LTBP2: variants seen among roughly 807,000 people sequenced by gnomAD.
The protein encoded by LTBP2 is latent-transforming growth factor beta-binding protein 2.
A neutral mutation model predicts 210.6 loss-of-function variants in LTBP2; 103 were observed. That is an observed-to-expected ratio of 0.49 (90% CI 0.42 to 0.58). LTBP2 has a LOEUF of 0.58. LTBP2 is among the 20% of genes least tolerant of loss of function. LTBP2 has a pLI of 0.00. For synonymous variants in LTBP2, 1,007 were observed against 1,015.0 expected (o/e 0.99, Z 0.15); for missense variants, 2,313 against 2,494.5 (o/e 0.93, Z 1.55).
At chr14:74,577,331 C>T (rs1293247757) in intron 3 of LTBP2, among the ~76,000 whole-genome samples, 1 of 152,124 alleles carries the variant, frequency 6.6e-6, no homozygotes, top group Non-Finnish European at 1.5e-5. Flanking sequence ...AAGATGCAGG[C>T]TGCTTAGCCC....
intron 8 of LTBP2, among the ~76,000 whole-genome samples, chr14:74,537,879 C>T (rs761433292): frequency 4.6e-5 from 7 of 152,134 alleles, no homozygotes; most frequent in African/African-American, 1.4e-4. Context: ...CTCAGCCTCC[C>T]GAGTAGCTGG....
rs2088213294 is a variant in LTBP2, at chr14:74,586,893, C to A, written c.566-775G>T. Among the ~76,000 whole-genome samples the A allele has an allele frequency of 6.6e-6, 1 of 152,216 alleles. No individual in the cohort carries two copies. Among genetic ancestry groups the A allele is most frequent in the African/African-American group, 2.4e-5 (1 of 41,460 alleles). On this transcript the variant is annotated intron_variant, in intron 2 of 35. Coordinates refer to ENST00000261978, the MANE Select transcript of LTBP2 (RefSeq NM_000428.3). This position sits in a 1 kb window ranked among gnomAD's most constrained non-coding sequence, Gnocchi z 4.6. ...CAGGTAAGTGCCCCGCTCTGTGGGG[C>A]CTCTGTTCAGGCTCAGGCTCTCTCT... is the stretch of plus-strand genomic sequence containing the variant.
chr14:74,542,242 C>T (rs1348727923), intron 8 of LTBP2, among the ~76,000 whole-genome samples: 8 of 152,246 alleles, frequency 5.3e-5, no homozygotes, highest in South Asian at 4.1e-4. Context: ...CACCCTCTGC[C>T]GTGCCTCGGT....
chr14:74,509,208 T>G (rs368468142), intron 22 of LTBP2, 30 bp downstream of exon 22: 1 of 1,613,116 alleles, frequency 6.2e-7, no homozygotes, highest in Admixed American at 1.7e-5. Flanking sequence ...GGCATCCCAT[T>G]TGTATCCTCT....
In LTBP2 at chr14:74,529,098, T is replaced by A. The variant is rs201372116; in HGVS notation, c.2012A>T (p.Gln671Leu). ...CCCCAGCGACCGGTAGCACAGTCCC[T>A]GCAGCATGGAGATTGCCTTGTCCGC... ...CVSDKAISML[Q>L]GLCYRSLGPG... is the part of the protein sequence containing the mutation. Residue 671 changes from glutamine (Q) to leucine (L), a missense_variant, in exon 11 of 36, where the codon CAG becomes CTG. Physicochemically the swap from Gln to Leu is moderately radical, Grantham distance 113. Transcript: ENST00000261978. 6.1e-5 allele frequency: 95 copies of A among 1,552,626 alleles called. No individual in the cohort carries two copies. The highest frequency in any genetic ancestry group is 1.7e-4 in the Middle Eastern group (1 of 5,996).
rs201787635 is a variant in LTBP2, at chr14:74,501,496, G to A, written c.5265C>T (p.Tyr1755=). 3 of 1,614,170 alleles carry A rather than the reference G, an allele frequency of 1.9e-6. No homozygotes were observed. The Admixed American group carries it at 5.0e-5, about 27-fold the overall frequency. Residue 1755 remains tyrosine, a synonymous_variant, in exon 35 of 36, where the codon TAC becomes TAT. Coordinates refer to ENST00000261978, the MANE Select transcript of LTBP2 (RefSeq NM_000428.3). Reference sequence around the variant, plus strand: ...GGAAGCCCTCAAAACAGTCACAGGTGTAGCCCTCCCGCACGCGCACACAGC... The same window carrying A: ...GGAAGCCCTCAAAACAGTCACAGGTATAGCCCTCCCGCACGCGCACACAGC... ...NGRCVRVREG[Y]TCDCFEGFQL...
chr14:74,574,106 G>A (rs1009747433), intron 3 of LTBP2, among the ~76,000 whole-genome samples: 4 of 152,048 alleles, frequency 2.6e-5, no homozygotes, highest in Admixed American at 1.3e-4. Context: ...ACATACAATC[G>A]AAAACACCCA....
rs1595234348 is a variant in LTBP2 at position 74,500,334 on chromosome 14, G to A, written c.*550C>T. 3.8e-6 allele frequency: 1 copy of A among 264,152 alleles called. No homozygotes were observed. The highest frequency in any genetic ancestry group is 4.7e-5 in the Admixed American group (1 of 21,126). The allele number at this position is 264,152 out of a possible 1,614,324, so 16.4% of individuals were successfully genotyped here. Reference sequence around the variant, plus strand: ...TCAGAGAATGGGCTACAGGATGGAGGTGTGGCAAAATCAGGGCCCAGAACA... The same window carrying A: ...TCAGAGAATGGGCTACAGGATGGAGATGTGGCAAAATCAGGGCCCAGAACA... On this transcript the variant is annotated 3_prime_UTR_variant, in exon 36 of 36. Coordinates refer to ENST00000261978, the MANE Select transcript of LTBP2 (RefSeq NM_000428.3).
At chr14:74,517,583 G>A (rs1276703716) in intron 17 of LTBP2, among the ~76,000 whole-genome samples, 2 of 152,078 alleles carry the variant, frequency 1.3e-5, no homozygotes, top group Non-Finnish European at 2.9e-5. Flanking sequence ...ATGTTGACCA[G>A]GCTGGTCTTG....
chr14:74,504,472 C>G (rs899739145), intron 30 of LTBP2, among the ~76,000 whole-genome samples: 1 of 152,238 alleles, frequency 6.6e-6, no homozygotes, highest in South Asian at 2.1e-4. Flanking sequence ...GAGCAGTGCT[C>G]TCCACTCTGT....
At chr14:74,554,523 G>T (rs114690727) in intron 4 of LTBP2, among the ~76,000 whole-genome samples, 24 of 152,200 alleles carry the variant, frequency 1.6e-4, no homozygotes, top group African/African-American at 5.1e-4. Flanking sequence ...GAGAAGAAAA[G>T]AAAATGTAAC....
chr14:74,605,455 G>A (rs1001481090), intron 1 of LTBP2, among the ~76,000 whole-genome samples: 24 of 152,148 alleles, frequency 1.6e-4, no homozygotes, highest in African/African-American at 3.9e-4. Context: ...CCCATGTCAC[G>A]GGGGTCAGGG....
intron 3 of LTBP2, among the ~76,000 whole-genome samples, chr14:74,565,456 A>G (rs1394513066): frequency 6.6e-6 from 1 of 152,232 alleles, no homozygotes; most frequent in Admixed American, 6.5e-5. Context: ...TCAGTGGCCG[A>G]GGAAAGAACC....
In LTBP2 at chr14:74,498,530, TAAAA is replaced by T. The variant is rs896187750; in HGVS notation, c.*2350_*2353del. The stretch of plus-strand genomic sequence containing the variant: ...AATGAGGCAGCTCTAATTGCAAGTA[TAAAA>T]AAAAAGCAAAGTGCAGAACAGCATG... On this transcript the variant is annotated 3_prime_UTR_variant, in exon 36 of 36. Transcript: ENST00000261978. 9.0e-6 allele frequency: 2 copies of T among 222,648 alleles called. No individual in the cohort carries two copies. Among genetic ancestry groups the T allele is most frequent in the East Asian group, 6.5e-5 (1 of 15,412 alleles). The allele number at this position is 222,648 out of a possible 1,614,324, so 13.8% of individuals were successfully genotyped here. A position where few individuals can be genotyped will look rare whatever the true frequency, so the allele number is the denominator to read the frequency against.
chr14:74,509,359 T>C lies in LTBP2; in HGVS notation c.3282A>G (p.Leu1094=), dbSNP rs760207060. Residue 1094 remains leucine, a synonymous_variant, in exon 22 of 36, where the codon CTA becomes CTG. Transcript: ENST00000261978. ...AGACTCCCGGGAAGGCACACTCATCTAGGTCTGCAGACAGACAGCGCTCGC... is the reference window on the plus strand; with the variant it reads ...AGACTCCCGGGAAGGCACACTCATCCAGGTCTGCAGACAGACAGCGCTCGC... ...VNEDGTACED[L]DECAFPGVCP... The C allele has an allele frequency of 1.2e-6, 2 of 1,612,662 alleles. No individual in the cohort carries two copies. The highest frequency in any genetic ancestry group is 1.7e-5 in the Admixed American group (1 of 59,978).
chr14:74,593,514 A>T (rs1595297870), intron 2 of LTBP2, among the ~76,000 whole-genome samples: 1 of 152,300 alleles, frequency 6.6e-6, no homozygotes, highest in South Asian at 2.1e-4. Context: ...GTGTCAGCTG[A>T]GCACCTGGAC....
intron 3 of LTBP2, among the ~76,000 whole-genome samples, chr14:74,564,289 A>ATATATATATT (rs2087863983): frequency 2.8e-5 from 1 of 36,128 alleles, no homozygotes; most frequent in Non-Finnish European, 4.8e-5. Flanking sequence ...ATATATTTAT[A>ATATATATATT]TATATATTTA....
chr14:74,509,487 C>G, intron 21 of LTBP2, 124 bp from the exon 22 acceptor site: 1 of 1,419,602 alleles, frequency 7.0e-7, no homozygotes, highest in African/African-American at 1.4e-5. Flanking sequence ...CTCCCTAGAA[C>G]GCTCCCAGGA....
At chr14:74,535,699 A>G (rs527694233) in intron 9 of LTBP2, among the ~76,000 whole-genome samples, 4 of 152,180 alleles carry the variant, frequency 2.6e-5, no homozygotes, top group African/African-American at 9.6e-5. Flanking sequence ...GTGGGTGGAG[A>G]TGGGGACGAG....
Sources: gnomAD v4.1 joint callset for allele counts (sites outside exome capture counted in the v4.1 genomes callset) on GRCh38, gnomAD v4.1.1 for gene constraint, Gnocchi (gnomAD v3.1) non-coding constraint, MANE v1.5 for transcripts, NCBI Gene and HGNC (gene_info 2026-07-23, HGNC 2026-07-21) for gene names.